SPOCK3: variants seen among roughly 807,000 people sequenced by gnomAD.
The protein encoded by SPOCK3 is testican-3.
Under a neutral mutation model 56.6 loss-of-function variants are expected in SPOCK3, and 30 were observed. That is an observed-to-expected ratio of 0.53 (90% CI 0.40 to 0.72). SPOCK3 has a LOEUF of 0.72. Ranked by LOEUF, SPOCK3 falls within the 30% of genes least tolerant of loss-of-function variation. The pLI, the probability that SPOCK3 is intolerant of heterozygous loss-of-function variation, is 0.00. For synonymous variants in SPOCK3, 196 were observed against 183.3 expected (o/e 1.07, Z -0.56); for missense variants, 527 against 530.0 (o/e 0.99, Z 0.06).
At chr4:167,026,664 C>A (rs949147465) in intron 3 of SPOCK3, among the ~76,000 whole-genome samples, 41 of 151,932 alleles carry the variant, frequency 2.7e-4, no homozygotes, top group Non-Finnish European at 8.8e-5. Context: ...ATAAAAATTT[C>A]TACAAATTAA....
intron 6 of SPOCK3, among the ~76,000 whole-genome samples, chr4:166,826,159 T>G (rs939479834): frequency 2.0e-5 from 3 of 152,136 alleles, no homozygotes; most frequent in Non-Finnish European, 4.4e-5. Context: ...GAACAGAGAT[T>G]GTAAACATTT....
intron 4 of SPOCK3, among the ~76,000 whole-genome samples, chr4:166,932,430 G>T (rs908824637): frequency 6.6e-6 from 1 of 151,960 alleles, no homozygotes; most frequent in African/African-American, 2.4e-5. Context: ...ATTTATCCTG[G>T]TAACATTAAA....
At chr4:167,013,073 G>T (rs1370513938) in intron 3 of SPOCK3, among the ~76,000 whole-genome samples, 2 of 151,910 alleles carry the variant, frequency 1.3e-5, no homozygotes, top group East Asian at 3.9e-4. Context: ...TAAAATCCAT[G>T]TACTCTAACT....
chr4:167,041,410 T>C (rs1753221452), intron 3 of SPOCK3, among the ~76,000 whole-genome samples: 1 of 152,196 alleles, frequency 6.6e-6, no homozygotes, highest in Non-Finnish European at 1.5e-5. Context: ...GGCTACATGA[T>C]ATCTTGAAAA....
intron 4 of SPOCK3, among the ~76,000 whole-genome samples, chr4:166,991,829 C>T (rs1374910673): frequency 6.6e-6 from 1 of 152,122 alleles, no homozygotes; most frequent in Non-Finnish European, 1.5e-5. Context: ...TTTGACAATA[C>T]ATGTCAATAT....
chr4:166,821,302 A>G (rs541250437), intron 6 of SPOCK3, among the ~76,000 whole-genome samples: 2 of 152,102 alleles, frequency 1.3e-5, no homozygotes, highest in East Asian at 1.9e-4. Flanking sequence ...CGGAGCATAC[A>G]AAGTGTTGTC....
At chr4:167,229,053 A>G (rs906169948) in intron 2 of SPOCK3, among the ~76,000 whole-genome samples, 1 of 152,162 alleles carries the variant, frequency 6.6e-6, no homozygotes, top group African/African-American at 2.4e-5. Context: ...TATGTTCTCA[A>G]CTACAGTGAA....
chr4:166,931,832 A>G (rs1739819998), intron 4 of SPOCK3, among the ~76,000 whole-genome samples: 1 of 152,186 alleles, frequency 6.6e-6, no homozygotes, highest in Non-Finnish European at 1.5e-5. Flanking sequence ...CAGGATCTCA[A>G]TAGGCATTAG....
chr4:166,784,994 G>T (rs1483380589), intron 7 of SPOCK3, among the ~76,000 whole-genome samples: 1 of 151,986 alleles, frequency 6.6e-6, no homozygotes, highest in Non-Finnish European at 1.5e-5. Context: ...CCTGGGTATA[G>T]TATTTCTGCT....
chr4:166,754,004 G>A (rs1736742675), intron 8 of SPOCK3: 4 of 708,278 alleles, frequency 5.6e-6, no homozygotes, highest in Non-Finnish European at 1.7e-6. Flanking sequence ...TTTTATAAAA[G>A]GTAAGCTATT....
At chr4:166,839,568 T>C (rs1013664799) in intron 6 of SPOCK3, among the ~76,000 whole-genome samples, 2 of 152,034 alleles carry the variant, frequency 1.3e-5, no homozygotes, top group Non-Finnish European at 2.9e-5. Flanking sequence ...TCCACACTAA[T>C]GGATGAAGTT....
chr4:167,171,558 C>T (rs1163231970), intron 2 of SPOCK3, among the ~76,000 whole-genome samples: 3 of 152,056 alleles, frequency 2.0e-5, no homozygotes, highest in Non-Finnish European at 4.4e-5. Context: ...ATAATGTACT[C>T]ATTAACCAAA....
intron 4 of SPOCK3, among the ~76,000 whole-genome samples, chr4:166,961,260 A>T (rs951020156): frequency 1.3e-5 from 2 of 150,304 alleles, no homozygotes; most frequent in Non-Finnish European, 2.9e-5. Flanking sequence ...TAAAAAAAAA[A>T]ACTGCAAAAT....
At chr4:167,194,609 G>A (rs1732765173) in intron 2 of SPOCK3, among the ~76,000 whole-genome samples, 1 of 152,280 alleles carries the variant, frequency 6.6e-6, no homozygotes, top group African/African-American at 2.4e-5. Context: ...CTGTTTTAGT[G>A]CCTTGGCTGA....
At chr4:167,047,183 G>A (rs1043572210) in intron 3 of SPOCK3, among the ~76,000 whole-genome samples, 1 of 152,116 alleles carries the variant, frequency 6.6e-6, no homozygotes, top group South Asian at 2.1e-4. Flanking sequence ...ATCTTCATAG[G>A]GAAAGTAGAG....
At chr4:166,885,021 A>T (rs997720116) in intron 6 of SPOCK3, among the ~76,000 whole-genome samples, 4 of 152,094 alleles carry the variant, frequency 2.6e-5, no homozygotes, top group African/African-American at 9.7e-5. Flanking sequence ...TTAAAAATGC[A>T]GATGAGGATT....
intron 7 of SPOCK3, among the ~76,000 whole-genome samples, chr4:166,772,062 T>C (rs1350065334): frequency 6.6e-6 from 1 of 152,052 alleles, no homozygotes; most frequent in African/African-American, 2.4e-5. Flanking sequence ...AAAATCAGTA[T>C]ATTTATGGAT....
At chr4:166,955,419 T>G (rs1472253784) in intron 4 of SPOCK3, among the ~76,000 whole-genome samples, 1 of 148,864 alleles carries the variant, frequency 6.7e-6, no homozygotes, top group Admixed American at 6.8e-5. Flanking sequence ...ATCAGCATAG[T>G]TTTGAATATT....
chr4:167,115,819 AC>A (rs1761282118), intron 2 of SPOCK3, among the ~76,000 whole-genome samples: 1 of 152,082 alleles, frequency 6.6e-6, no homozygotes, highest in Non-Finnish European at 1.5e-5. Context: ...ATGATTTTAA[AC>A]ATCTTTAAAG....
Sources: allele counts gnomAD v4.1 joint callset (sites outside exome capture counted in the v4.1 genomes callset), GRCh38; gene constraint gnomAD v4.1.1; transcripts MANE v1.5; gene names NCBI Gene and HGNC (gene_info 2026-07-23, HGNC 2026-07-21).